DNAJC6: variants seen among roughly 807,000 people sequenced by gnomAD.
DNAJC6 encodes auxilin.
In DNAJC6, 34 loss-of-function variants were observed where a neutral mutation model predicts 110.0. The ratio of observed to expected loss-of-function variants is 0.31; its 90% CI spans 0.24 to 0.41. DNAJC6 has a LOEUF of 0.41. Ranked by LOEUF, DNAJC6 falls within the 10% of genes least tolerant of loss-of-function variation. The pLI is 1.00. For synonymous variants in DNAJC6, 406 were observed against 437.2 expected (o/e 0.93, Z 0.89); for missense variants, 1,031 against 1,207.8 (o/e 0.85, Z 2.17).
intron 11 of DNAJC6, among the ~76,000 whole-genome samples, chr1:65,390,775 T>A (rs9436727): frequency 0.016 from 2,372 of 152,344 alleles, 70 homozygotes; most frequent in African/African-American, 0.054. Flanking sequence ...ATTGAAAGAC[T>A]CACTTTCAGA....
At chr1:65,289,306 C>A (rs932233664) in intron 1 of DNAJC6, among the ~76,000 whole-genome samples, 3 of 152,156 alleles carry the variant, frequency 2.0e-5, no homozygotes, top group Non-Finnish European at 2.9e-5. Flanking sequence ...AGCGATTCTC[C>A]TGCCTCAGCC....
At chr1:65,272,433 G>C (rs908637973) in intron 1 of DNAJC6, among the ~76,000 whole-genome samples, 1 of 152,134 alleles carries the variant, frequency 6.6e-6, no homozygotes, top group Non-Finnish European at 1.5e-5. Flanking sequence ...TATTTGACTT[G>C]CTAATATTTT....
intron 4 of DNAJC6, among the ~76,000 whole-genome samples, chr1:65,368,736 T>TTCTTCTTCTTCTC (rs1645676420): frequency 5.6e-4 from 1 of 1,794 alleles, no homozygotes; most frequent in Non-Finnish European, 9.4e-4. Context: ...TTCTTCTTCT[T>TTCTTCTTCTTCTC]CCCCCTCCCC....
chr1:65,339,757 A>G (rs1447448372), intron 1 of DNAJC6, among the ~76,000 whole-genome samples: 1 of 152,210 alleles, frequency 6.6e-6, no homozygotes. Flanking sequence ...TGCCAAATGC[A>G]GGGAAAGAGG....
At chr1:65,369,796 G>A (rs889979200) in intron 4 of DNAJC6, among the ~76,000 whole-genome samples, 18 of 152,222 alleles carry the variant, frequency 1.2e-4, no homozygotes, top group East Asian at 9.7e-4. Flanking sequence ...TCTGTATTTC[G>A]ATTCACTTTT....
intron 1 of DNAJC6, among the ~76,000 whole-genome samples, chr1:65,341,909 T>C (rs1303131358): frequency 6.6e-6 from 1 of 152,136 alleles, no homozygotes; most frequent in Non-Finnish European, 1.5e-5. Context: ...CATAGCTGGA[T>C]TGTAGTTTTC....
chr1:65,314,663 C>T (rs1645132826), intron 1 of DNAJC6, among the ~76,000 whole-genome samples: 2 of 151,954 alleles, frequency 1.3e-5, no homozygotes, highest in South Asian at 4.2e-4. Flanking sequence ...AATTTTTGTA[C>T]TTTTAGAAAA....
chr1:65,351,957 G>A (rs1645494180), intron 1 of DNAJC6, among the ~76,000 whole-genome samples: 1 of 151,962 alleles, frequency 6.6e-6, no homozygotes, highest in Non-Finnish European at 1.5e-5. Flanking sequence ...GTAGAGACGG[G>A]GTTTCACCAT....
At chr1:65,361,346 C>T (rs7516829) in intron 1 of DNAJC6, among the ~76,000 whole-genome samples, 127 of 152,302 alleles carry the variant, frequency 8.3e-4, no homozygotes, top group African/African-American at 2.9e-3. Flanking sequence ...AACAGAGCCT[C>T]ATTTTCTAAT....
intron 1 of DNAJC6, among the ~76,000 whole-genome samples, chr1:65,277,136 GT>G (rs541288039): frequency 3.3e-5 from 5 of 150,780 alleles, no homozygotes; most frequent in African/African-American, 4.9e-5. Flanking sequence ...AAACACGTCT[GT>G]TTTTTTTTGT....
At chr1:65,313,803 T>C (rs1247374272) in intron 1 of DNAJC6, among the ~76,000 whole-genome samples, 2 of 152,204 alleles carry the variant, frequency 1.3e-5, no homozygotes. Context: ...CTCTCTGCCT[T>C]CCCTGGCTCA....
intron 4 of DNAJC6, among the ~76,000 whole-genome samples, chr1:65,375,279 A>C (rs1323178290): frequency 1.3e-5 from 2 of 151,236 alleles, no homozygotes; most frequent in Non-Finnish European, 2.9e-5. Flanking sequence ...GAGGATTTTT[A>C]TCATAAAGGG....
chr1:65,270,103 A>G (rs1653456678), intron 1 of DNAJC6, among the ~76,000 whole-genome samples: 1 of 152,188 alleles, frequency 6.6e-6, no homozygotes, highest in Non-Finnish European at 1.5e-5. Flanking sequence ...ACCCAAAGCA[A>G]TGCCACTTGT....
At chr1:65,307,016 C>CTATATATATATA (rs1436882652), upstream of DNAJC6, among the ~76,000 whole-genome samples, 1 of 73,718 alleles carries the variant, frequency 1.4e-5, no homozygotes, top group African/African-American at 5.2e-5. Context: ...CTCTCTCTCT[C>CTATATATATATA]TCTATATATA....
intron 1 of DNAJC6, chr1:65,279,129 T>C: frequency 1.0e-6 from 1 of 985,436 alleles, no homozygotes; most frequent in Non-Finnish European, 1.2e-6. Flanking sequence ...CAAGGTATGT[T>C]TGATCCTCTT....
At chr1:65,345,631 A>T (rs1645430265) in intron 1 of DNAJC6, 1 of 984,266 alleles carries the variant, frequency 1.0e-6, no homozygotes, top group South Asian at 4.7e-5. Context: ...TATTGAGTCG[A>T]GAATTTTTGG....
chr1:65,336,993 G>A (rs1645343092), intron 1 of DNAJC6, among the ~76,000 whole-genome samples: 1 of 151,652 alleles, frequency 6.6e-6, no homozygotes, highest in Non-Finnish European at 1.5e-5. Context: ...TTGTTCCTGT[G>A]TAATTTTTGT....
chr1:65,284,330 A>G (rs1653945140), intron 1 of DNAJC6, among the ~76,000 whole-genome samples: 1 of 152,202 alleles, frequency 6.6e-6, no homozygotes, highest in African/African-American at 2.4e-5. Flanking sequence ...TGTTTCTTGC[A>G]GAAGCCAACT....
At chr1:65,379,649 G>A (rs999671827) in intron 5 of DNAJC6, 125 bp downstream of exon 5, 2 of 1,342,440 alleles carry the variant, frequency 1.5e-6, no homozygotes, top group Non-Finnish European at 2.0e-6. Context: ...TTTAGGAATT[G>A]GGTAATGTGA....
Sources: gnomAD v4.1 joint callset for allele counts (sites outside exome capture counted in the v4.1 genomes callset) on GRCh38, gnomAD v4.1.1 for gene constraint, MANE v1.5 for transcripts, NCBI Gene and HGNC (gene_info 2026-07-23, HGNC 2026-07-21) for gene names.